DST: variants seen among roughly 807,000 people sequenced by gnomAD.
DST encodes the protein dystonin, also known as bullous pemphigoid antigen.
Under a neutral mutation model 875.2 loss-of-function variants are expected in DST, and 253 were observed. The ratio of observed to expected loss-of-function variants is 0.29; its 90% CI spans 0.26 to 0.32. DST has a LOEUF of 0.32. Ranked by LOEUF, DST falls within the 10% of genes least tolerant of loss-of-function variation. DST has a pLI of 1.00. For synonymous variants in DST, 3,124 were observed against 3,197.1 expected, an observed-to-expected ratio of 0.98 and a Z score of 0.77; for missense variants, 8,287 against 9,111.6, an observed-to-expected ratio of 0.91 and a Z score of 3.68.
intron 49 of DST, among the ~76,000 whole-genome samples, chr6:56,581,798 T>G (rs927810592): frequency 6.6e-6 from 1 of 152,190 alleles, no homozygotes; most frequent in East Asian, 1.9e-4. Context: ...CTCTTGAGTA[T>G]TTCCATCTGG....
intron 61 of DST, among the ~76,000 whole-genome samples, chr6:56,545,915 CAAAT>C (rs1193535964): frequency 3.9e-5 from 6 of 152,064 alleles, no homozygotes; most frequent in Admixed American, 2.6e-4. Flanking sequence ...CTTTCTAAAA[CAAAT>C]AAGCCATTAG....
At chr6:56,523,220 A>G (rs777745970) in intron 69 of DST, among the ~76,000 whole-genome samples, 31 of 152,106 alleles carry the variant, frequency 2.0e-4, no homozygotes, top group Non-Finnish European at 4.1e-4. Context: ...CAGTGAATGT[A>G]CAAGTTCTTA....
intron 24 of DST, among the ~76,000 whole-genome samples, 160 bp downstream of exon 24, chr6:56,635,429 T>C (rs1156957052): frequency 2.0e-5 from 3 of 152,214 alleles, no homozygotes; most frequent in Admixed American, 6.5e-5. Flanking sequence ...ACTTCTGTTG[T>C]ATTTGTTGCC....
chr6:56,832,291 G>C (rs1294860847), intron 4 of DST, among the ~76,000 whole-genome samples: 1 of 152,144 alleles, frequency 6.6e-6, no homozygotes, highest in African/African-American at 2.4e-5. Context: ...CGAATCATGG[G>C]GGCAAGTCTT....
At chr6:56,721,255 T>C (rs1474942457) in intron 5 of DST, among the ~76,000 whole-genome samples, 1 of 152,220 alleles carries the variant, frequency 6.6e-6, no homozygotes, top group East Asian at 1.9e-4. Flanking sequence ...TTTTTCAACA[T>C]GCCCAGATTT....
chr6:56,691,775 C>T, intron 9 of DST, among the ~76,000 whole-genome samples: 1 of 152,130 alleles, frequency 6.6e-6, no homozygotes, highest in Non-Finnish European at 1.5e-5. Context: ...ATTCCTATGG[C>T]ATGCTACCCT....
intron 3 of DST, among the ~76,000 whole-genome samples, chr6:56,884,990 A>C (rs563903870): frequency 2.0e-5 from 3 of 150,426 alleles, no homozygotes; most frequent in African/African-American, 7.5e-5. Context: ...TCGGCCTCCC[A>C]AAGTGCTGGG....
At chr6:56,670,549 G>T in intron 10 of DST, 92 bp downstream of exon 10, 4 of 991,206 alleles carry the variant, frequency 4.0e-6, no homozygotes, top group South Asian at 2.6e-5. Context: ...CCATGCTTTT[G>T]CTTCTATAAT....
chr6:56,836,646 C>G (rs897800855), intron 4 of DST, among the ~76,000 whole-genome samples: 6 of 151,590 alleles, frequency 4.0e-5, no homozygotes, highest in African/African-American at 1.5e-4. Context: ...GTCAGGAGAT[C>G]GAGACCATCC....
intron 4 of DST, among the ~76,000 whole-genome samples, chr6:56,827,021 G>T (rs1028242460): frequency 6.6e-6 from 1 of 152,100 alleles, no homozygotes; most frequent in South Asian, 2.1e-4. Context: ...ACTACTCCTA[G>T]TTTTTTAAAA....
intron 60 of DST, among the ~76,000 whole-genome samples, chr6:56,555,007 T>G (rs546018709): frequency 1.1e-4 from 16 of 152,346 alleles, no homozygotes; most frequent in African/African-American, 3.4e-4. Context: ...GCAAAGCCTT[T>G]TACTAACTAT....
At chr6:56,878,111 G>T (rs763711953) in intron 3 of DST, among the ~76,000 whole-genome samples, 2 of 152,164 alleles carry the variant, frequency 1.3e-5, no homozygotes, top group Non-Finnish European at 2.9e-5. Flanking sequence ...ACCACGTTAG[G>T]ACAGTGTGAC....
intron 100 of DST, chr6:56,464,249 G>T: frequency 3.8e-6 from 1 of 264,246 alleles, no homozygotes; most frequent in Non-Finnish European, 7.3e-6. Context: ...CACAATGATT[G>T]ATGGCTTGTT....
chr6:56,888,164 G>A (rs1459124131), intron 3 of DST, among the ~76,000 whole-genome samples: 2 of 152,022 alleles, frequency 1.3e-5, no homozygotes, highest in African/African-American at 4.8e-5. Flanking sequence ...TGGCTGGGAT[G>A]GTCTCAATCT....
At chr6:56,902,458 T>C (rs1490972555) in intron 2 of DST, among the ~76,000 whole-genome samples, 7 of 152,212 alleles carry the variant, frequency 4.6e-5, no homozygotes, top group Admixed American at 4.6e-4. Context: ...GATGGGCTAC[T>C]GTCCAATTAT....
In DST at chr6:56,624,958, G is replaced by A. The variant is rs368448989; in HGVS notation, c.4830+199C>T. On this transcript the variant is annotated intron_variant, in intron 35 of 103. Coordinates refer to ENST00000680361, the MANE Select transcript of DST (RefSeq NM_001374736.1). ...GTGTAGACTTTCTCTTTGGGATGAC[G>A]AAAAGGTTCTGGAAATAAACAGTGG... 3.3e-5 allele frequency among the ~76,000 whole-genome samples: 5 copies of A among 151,902 alleles called. No homozygotes were observed. In the East Asian group the frequency reaches 5.8e-4, roughly 18 times the overall value.
Position 56,469,000 on chromosome 6 carries a change from C to T in DST, c.22552-1G>A. The stretch of plus-strand genomic sequence containing the variant: ...TTTATACCTGATTTCCCAGGAAGAA[C>T]TGATAAAAATGAAAAATGGAAGAAA... On this transcript the variant is annotated splice_acceptor_variant, in intron 97 of 103. Transcript: ENST00000680361. LOFTEE classifies it high-confidence loss of function. 6.3e-7 allele frequency: 1 copy of T among 1,577,044 alleles called. No homozygotes were observed. Among genetic ancestry groups the T allele is most frequent in the Admixed American group, 1.8e-5 (1 of 55,040 alleles).
chr6:56,470,292 T>C lies in DST; in HGVS notation c.22322-10A>G, dbSNP rs1416824581. The stretch of plus-strand genomic sequence containing the variant: ...CGACTGGTTGGAAACTCTAAAATTT[T>C]GAAAACAATGGTAAGTAGTGACTTG... On this transcript the variant is annotated splice_polypyrimidine_tract_variant and intron_variant, in intron 95 of 103. Coordinates refer to ENST00000680361, the MANE Select transcript of DST (RefSeq NM_001374736.1). 1 of 1,585,528 alleles carries C rather than the reference T, an allele frequency of 6.3e-7. No homozygotes were observed. The highest frequency in any genetic ancestry group is 8.6e-7 in the Non-Finnish European group (1 of 1,163,716).
At chr6:56,827,517 A>G (rs1423107732) in intron 4 of DST, among the ~76,000 whole-genome samples, 2 of 150,912 alleles carry the variant, frequency 1.3e-5, no homozygotes, top group Admixed American at 1.3e-4. Context: ...AAAAAAAAAA[A>G]AAAAAAAAAA....
Sources: gnomAD v4.1 joint callset for allele counts (sites outside exome capture counted in the v4.1 genomes callset) on GRCh38, gnomAD v4.1.1 for gene constraint, MANE v1.5 for transcripts, NCBI Gene and HGNC (gene_info 2026-07-23, HGNC 2026-07-21) for gene names.